The following CSMD1 variants were observed in gnomAD, a reference collection of about 807,000 sequenced individuals.
CSMD1 encodes the protein CUB and Sushi multiple domains 1.
A neutral mutation model predicts 417.5 loss-of-function variants in CSMD1; 213 were observed. The observed-to-expected ratio is 0.51, with a 90% confidence interval of 0.46 to 0.57. The LOEUF is 0.57. CSMD1 is among the 20% of genes least tolerant of loss of function. CSMD1 has a pLI of 0.00. For synonymous variants in CSMD1, 2,862 were observed against 1,736.8 expected (o/e 1.65, Z -16.11); for missense variants, 6,923 against 4,529.7 (o/e 1.53, Z -15.17).
chr8:3,271,175 G>C (rs1012620155), intron 26 of CSMD1, among the ~76,000 whole-genome samples: 7 of 148,828 alleles, frequency 4.7e-5, no homozygotes, highest in African/African-American at 1.2e-4. Flanking sequence ...GAGAATATGC[G>C]GTGTTTGGTT....
intron 8 of CSMD1, among the ~76,000 whole-genome samples, chr8:3,603,019 A>AC (rs1451953183): frequency 6.6e-6 from 1 of 152,206 alleles, no homozygotes; most frequent in African/African-American, 2.4e-5. Flanking sequence ...AGGATATTCC[A>AC]CCAGCCCTAT....
At chr8:4,340,981 T>G (rs915124300) in intron 3 of CSMD1, among the ~76,000 whole-genome samples, 1 of 152,102 alleles carries the variant, frequency 6.6e-6, no homozygotes, top group Non-Finnish European at 1.5e-5. Context: ...AGCTGATGGA[T>G]TTAAAAATTA....
intron 12 of CSMD1, among the ~76,000 whole-genome samples, chr8:3,453,325 G>A (rs1001959007): frequency 6.6e-6 from 1 of 151,926 alleles, no homozygotes; most frequent in African/African-American, 2.4e-5. Flanking sequence ...CTTCTGCTCT[G>A]ATCTTAGTTA....
chr8:4,455,379 A>G (rs1393123645), intron 2 of CSMD1, among the ~76,000 whole-genome samples: 2 of 152,196 alleles, frequency 1.3e-5, no homozygotes, highest in East Asian at 1.9e-4. Context: ...ACTGGTCATC[A>G]ACTCAGTACA....
At chr8:3,087,773 C>A (rs1267771475) in intron 48 of CSMD1, among the ~76,000 whole-genome samples, 1 of 152,238 alleles carries the variant, frequency 6.6e-6, no homozygotes, top group Non-Finnish European at 1.5e-5. Flanking sequence ...CTAGAGGGAT[C>A]ATTTTGAATG....
chr8:3,669,755 C>G (rs1030916148), intron 7 of CSMD1, among the ~76,000 whole-genome samples: 1 of 152,106 alleles, frequency 6.6e-6, no homozygotes, highest in Non-Finnish European at 1.5e-5. Flanking sequence ...CCTGGCTAAG[C>G]CTGAGGCTAC....
intron 26 of CSMD1, among the ~76,000 whole-genome samples, chr8:3,233,532 C>T (rs190891900): frequency 1.1e-4 from 17 of 152,208 alleles, no homozygotes; most frequent in Admixed American, 5.2e-4. Flanking sequence ...ATGGTTTGTT[C>T]GTTTTGTTTT....
At chr8:4,444,346 CAAAAAAAAAAAAAAAAA>C (rs112028005) in intron 2 of CSMD1, among the ~76,000 whole-genome samples, 1 of 46,276 alleles carries the variant, frequency 2.2e-5, no homozygotes, top group South Asian at 9.9e-4. Context: ...GACTCCATCT[CAAAAAAAAAAAAAAAAA>C]AAAAAAAAAA....
intron 5 of CSMD1, among the ~76,000 whole-genome samples, chr8:3,799,402 C>T (rs1800339567): frequency 1.9e-5 from 2 of 103,056 alleles, no homozygotes; most frequent in South Asian, 4.4e-4. Context: ...CCCCCTCCCC[C>T]CACCCCACGA....
At chr8:4,444,128 G>A (rs888443150) in intron 2 of CSMD1, among the ~76,000 whole-genome samples, 2 of 151,892 alleles carry the variant, frequency 1.3e-5, no homozygotes, top group Non-Finnish European at 2.9e-5. Context: ...GATCACTTCA[G>A]GTCAGAAATT....
intron 5 of CSMD1, among the ~76,000 whole-genome samples, chr8:3,807,979 A>C (rs1001784833): frequency 6.6e-6 from 1 of 152,174 alleles, no homozygotes; most frequent in Admixed American, 6.5e-5. Flanking sequence ...ATGCAGCCCT[A>C]TTCCTGTGTC....
chr8:4,084,198 T>C (rs1012743062), intron 3 of CSMD1, among the ~76,000 whole-genome samples: 4 of 152,174 alleles, frequency 2.6e-5, no homozygotes, highest in Non-Finnish European at 5.9e-5. Flanking sequence ...TATTTTTTCC[T>C]GATTTTTCAG....
chr8:4,349,995 G>C (rs905385015), intron 3 of CSMD1, among the ~76,000 whole-genome samples: 3 of 151,998 alleles, frequency 2.0e-5, no homozygotes, highest in Non-Finnish European at 4.4e-5. Context: ...AATAGCTTTG[G>C]TCCCTGAGCC....
At position 3,857,783 on chromosome 8, in the gene CSMD1, G is replaced by T. The variant is rs183103855; in HGVS notation, c.819-103741C>A. The stretch of plus-strand genomic sequence containing the variant: ...AAAAATGTGAAGAGAGATGCAATGG[G>T]GGAAAAGGATACAACACCAGGCCAG... On this transcript the variant is annotated intron_variant, in intron 5 of 69. Transcript: ENST00000635120. Among the ~76,000 whole-genome samples, 21 of 152,272 alleles carry T rather than the reference G, an allele frequency of 1.4e-4. 1 individual carries two copies. In the East Asian group the frequency reaches 3.5e-3, roughly 25 times the overall value.
intron 25 of CSMD1, among the ~76,000 whole-genome samples, chr8:3,303,115 A>G (rs185584862): frequency 1.3e-5 from 2 of 152,308 alleles, no homozygotes; most frequent in East Asian, 3.9e-4. Flanking sequence ...GGAAGGGTCT[A>G]TAGTGATGTT....
At chr8:4,317,030 T>A (rs1038019933) in intron 3 of CSMD1, among the ~76,000 whole-genome samples, 7 of 152,188 alleles carry the variant, frequency 4.6e-5, no homozygotes, top group African/African-American at 1.4e-4. Flanking sequence ...AAAACTACAC[T>A]TGTAAACGGC....
chr8:3,274,021 G>C (rs1802077717), intron 26 of CSMD1, among the ~76,000 whole-genome samples: 1 of 151,296 alleles, frequency 6.6e-6, no homozygotes. Context: ...TGTGATGTTA[G>C]GGTGTCAATT....
intron 1 of CSMD1, among the ~76,000 whole-genome samples, chr8:4,732,990 G>T (rs545488361): frequency 6.6e-6 from 1 of 151,792 alleles, no homozygotes; most frequent in South Asian, 2.1e-4. Context: ...AATCTCTAGG[G>T]CTACGCTCCT....
intron 1 of CSMD1, among the ~76,000 whole-genome samples, chr8:4,893,415 C>G (rs1370756): frequency 0.8 from 121,921 of 151,844 alleles, 49,540 homozygotes; most frequent in East Asian, 0.97. Flanking sequence ...TGTTTATATT[C>G]ACAAAGATGT....
Sources: gnomAD v4.1 joint callset for allele counts (sites outside exome capture counted in the v4.1 genomes callset) on GRCh38, gnomAD v4.1.1 for gene constraint, MANE v1.5 for transcripts, NCBI Gene and HGNC (gene_info 2026-07-23, HGNC 2026-07-21) for gene names.